FYB2: variants seen among roughly 807,000 people sequenced by gnomAD.
FYB2 encodes FYN-binding protein 2.
In FYB2, 103 loss-of-function variants were observed where a neutral mutation model predicts 94.1. The ratio of observed to expected loss-of-function variants is 1.09; its 90% CI spans 0.93 to 1.29. FYB2 has a LOEUF of 1.29. FYB2 is among the 50% of genes most tolerant of loss of function. FYB2 has a pLI of 0.00. For synonymous variants in FYB2, 293 were observed against 287.9 expected, an observed-to-expected ratio of 1.02 and a Z score of -0.18; for missense variants, 896 against 841.5, an observed-to-expected ratio of 1.06 and a Z score of -0.80.
intron 1 of FYB2, among the ~76,000 whole-genome samples, chr1:56,812,407 A>G (rs188536924): frequency 3.7e-4 from 56 of 152,218 alleles, no homozygotes; most frequent in African/African-American, 1.4e-3. Context: ...TTGAATTTGA[A>G]TACTGATTCT....
intron 15 of FYB2, among the ~76,000 whole-genome samples, chr1:56,728,478 G>A (rs1410839391): frequency 6.6e-6 from 1 of 152,060 alleles, no homozygotes; most frequent in Non-Finnish European, 1.5e-5. Flanking sequence ...AGATGAGAAA[G>A]TCAAGAAAAC....
upstream of FYB2, chr1:56,824,576 T>C (rs1370957245): frequency 1.3e-5 from 2 of 152,224 alleles, no homozygotes; most frequent in African/African-American, 2.4e-5. Context: ...ATAGCTTCTC[T>C]CTCACACTCT....
intron 1 of FYB2, among the ~76,000 whole-genome samples, chr1:56,807,656 T>C (rs1646677265): frequency 6.6e-6 from 1 of 152,200 alleles, no homozygotes; most frequent in African/African-American, 2.4e-5. Flanking sequence ...GCATCTCCAC[T>C]TCAGAGATAG....
intron 1 of FYB2, among the ~76,000 whole-genome samples, chr1:56,801,806 A>T (rs898440702): frequency 2.0e-5 from 3 of 152,150 alleles, no homozygotes; most frequent in Non-Finnish European, 4.4e-5. Flanking sequence ...TCTCTGGAAT[A>T]CATCTTAATT....
Position 56,787,227 on chromosome 1 carries a change from G to A in FYB2, c.920-19C>T. On this transcript the variant is annotated intron_variant, in intron 3 of 19. Transcript: ENST00000343433. ...ACAGTCACTGCAAGAGAAAGAGGCG[G>A]AATGAAAAAGAGGCATTTGCAGCAG... 6.2e-7 allele frequency: 1 copy of A among 1,613,770 alleles called. No homozygotes were observed.
At position 56,770,216 on chromosome 1, in the gene FYB2, T is replaced by C. The variant is rs141428361; in HGVS notation, c.954-2278A>G. Reference sequence around the variant, plus strand: ...TTTATGGGGAAGTAGAAAATTACCATACCGACTGAGAAAGAAACACAAAAA... The same window carrying C: ...TTTATGGGGAAGTAGAAAATTACCACACCGACTGAGAAAGAAACACAAAAA... On this transcript the variant is annotated intron_variant, in intron 4 of 19. Coordinates refer to ENST00000343433, the MANE Select transcript of FYB2 (RefSeq NM_001004303.5). 2.1e-3 allele frequency among the ~76,000 whole-genome samples: 319 copies of C among 152,204 alleles called. 1 individual carries two copies. The highest frequency in any genetic ancestry group is 7.5e-3 in the African/African-American group (313 of 41,552).
intron 4 of FYB2, among the ~76,000 whole-genome samples, chr1:56,771,071 A>G (rs1388218745): frequency 6.6e-6 from 1 of 152,200 alleles, no homozygotes; most frequent in Non-Finnish European, 1.5e-5. Flanking sequence ...TTCAATATCT[A>G]GTAACACTGA....
chr1:56,812,070 T>C (rs1646781315), intron 1 of FYB2, among the ~76,000 whole-genome samples: 1 of 152,172 alleles, frequency 6.6e-6, no homozygotes, highest in Non-Finnish European at 1.5e-5. Flanking sequence ...AAATTTTGGA[T>C]TGGAGAATTT....
rs1052199359 is a variant in FYB2, at chr1:56,742,190, G to A, written c.1575C>T (p.Tyr525=). 6 of 1,605,658 alleles carry A rather than the reference G, an allele frequency of 3.7e-6. No individual in the cohort carries two copies. Among genetic ancestry groups the A allele is most frequent in the Non-Finnish European group, 5.1e-6 (6 of 1,173,880 alleles). ...EENRELYEDV[Y]KTKNNYPKID... ...TCTTTGGGTAGTTGTTCTTTGTTTTGTAGACATCTTCATACAGTTCTCTAT... is the reference window on the plus strand; with the variant it reads ...TCTTTGGGTAGTTGTTCTTTGTTTTATAGACATCTTCATACAGTTCTCTAT... Residue 525 remains tyrosine (Y), a synonymous_variant, in exon 12 of 20, where the codon TAC becomes TAT. Coordinates refer to ENST00000343433, the MANE Select transcript of FYB2 (RefSeq NM_001004303.5).
At chr1:56,736,817 A>C (rs535390677) in intron 15 of FYB2, among the ~76,000 whole-genome samples, 1 of 152,132 alleles carries the variant, frequency 6.6e-6, no homozygotes, top group African/African-American at 2.4e-5. Flanking sequence ...GAGATAATTT[A>C]AAAAATGTGT....
intron 3 of FYB2, among the ~76,000 whole-genome samples, 190 bp from the exon 4 acceptor site, chr1:56,787,398 C>T (rs536860525): frequency 1.3e-5 from 2 of 152,336 alleles, no homozygotes; most frequent in East Asian, 3.9e-4. Context: ...CTCACCCACA[C>T]TTTACAGTAC....
chr1:56,737,110 T>TAC lies in FYB2; in HGVS notation c.1768_1769dup (p.Asp591Ter). ...ACTTTGACTCTTTTTCACTCAGGTCTACATCATCATAAATAATAACTTCCT... is the reference window on the plus strand; with the variant it reads ...ACTTTGACTCTTTTTCACTCAGGTCTACACATCATCATAAATAATAACTTCCT... On this transcript the variant is annotated frameshift_variant, in exon 15 of 20. Coordinates refer to ENST00000343433, the MANE Select transcript of FYB2 (RefSeq NM_001004303.5). LOFTEE classifies it high-confidence loss of function. 6.2e-7 allele frequency: 1 copy of TAC among 1,606,720 alleles called. No individual in the cohort carries two copies. The highest frequency in any genetic ancestry group is 2.2e-5 in the East Asian group (1 of 44,552).
Position 56,767,815 on chromosome 1 carries a change from C to T in FYB2, c.1063+14G>A. On this transcript the variant is annotated intron_variant, in intron 5 of 19. Coordinates refer to ENST00000343433, the MANE Select transcript of FYB2 (RefSeq NM_001004303.5). ...CACACAGGGTTACACTATTAATTGG[C>T]TTAGCAGACTTACGATCAGCAATTT... 6.4e-7 allele frequency: 1 copy of T among 1,556,530 alleles called. No individual in the cohort carries two copies. The highest frequency in any genetic ancestry group is 8.8e-7 in the Non-Finnish European group (1 of 1,130,992).
intron 9 of FYB2, among the ~76,000 whole-genome samples, chr1:56,745,927 G>A (rs1298433652): frequency 6.6e-6 from 1 of 151,808 alleles, no homozygotes; most frequent in African/African-American, 2.4e-5. Flanking sequence ...TCAGGGATTT[G>A]CACTTTTTTT....
At chr1:56,764,129 T>C (rs570502775) in intron 5 of FYB2, among the ~76,000 whole-genome samples, 18 of 152,150 alleles carry the variant, frequency 1.2e-4, no homozygotes, top group Admixed American at 1.0e-3. Context: ...TTTTTTTGTA[T>C]TTTTAGTAGA....
At position 56,744,070 on chromosome 1, in the gene FYB2, T is replaced by C. The variant is rs775669411; in HGVS notation, c.1503-4A>G. 4 of 1,612,694 alleles carry C rather than the reference T, an allele frequency of 2.5e-6. No homozygotes were observed. Among genetic ancestry groups the C allele is most frequent in the East Asian group, 2.2e-5 (1 of 44,804 alleles). ...GCTAGAGTAGTTCAGCTTCGGTCTA[T>C]GGGAGAAAATAACAAAGACCATTAT... is the stretch of plus-strand genomic sequence containing the variant. On this transcript the variant is annotated splice_region_variant and splice_polypyrimidine_tract_variant and intron_variant, in intron 10 of 19. Transcript: ENST00000343433.
chr1:56,819,794 G>A (rs757826157), upstream of FYB2: 6 of 167,444 alleles, frequency 3.6e-5, no homozygotes, highest in Non-Finnish European at 7.8e-5. Context: ...CCTTTCTCAC[G>A]GTCAGGGAAA....
intron 7 of FYB2, 148 bp from the exon 8 acceptor site, chr1:56,754,083 C>A (rs1645267239): frequency 6.6e-6 from 4 of 602,202 alleles, no homozygotes; most frequent in South Asian, 4.2e-5. Flanking sequence ...AGGATCAGAT[C>A]AATTATATAC....
intron 1 of FYB2, among the ~76,000 whole-genome samples, chr1:56,794,650 C>T (rs113949437): frequency 1.3e-5 from 2 of 152,150 alleles, no homozygotes; most frequent in African/African-American, 4.8e-5. Context: ...TTTCATCTCT[C>T]TGTTCTCTCT....
Sources: allele counts gnomAD v4.1 joint callset (sites outside exome capture counted in the v4.1 genomes callset), GRCh38; gene constraint gnomAD v4.1.1; transcripts MANE v1.5; gene names NCBI Gene and HGNC (gene_info 2026-07-23, HGNC 2026-07-21).